The following VAV3 variants were observed in gnomAD, a reference collection of about 807,000 sequenced individuals.
VAV3 encodes the protein guanine nucleotide exchange factor VAV3.
VAV3 carries 94 observed loss-of-function variants against 131.2 expected under a neutral mutation model. That is an observed-to-expected ratio of 0.72 (90% CI 0.61 to 0.85). The LOEUF (loss-of-function observed/expected upper bound fraction) is 0.85. Ranked by LOEUF, VAV3 falls within the 40% of genes least tolerant of loss-of-function variation. The pLI is 0.00. For synonymous variants in VAV3, 349 were observed against 342.0 expected (o/e 1.02, Z -0.22); for missense variants, 939 against 1,002.7 (o/e 0.94, Z 0.86).
intron 15 of VAV3, among the ~76,000 whole-genome samples, chr1:107,716,651 G>A (rs1447642645): frequency 6.6e-6 from 1 of 152,154 alleles, no homozygotes; most frequent in African/African-American, 2.4e-5. Context: ...TTTTATTGAG[G>A]ATTTTCACAT....
intron 2 of VAV3, among the ~76,000 whole-genome samples, chr1:107,864,146 T>C (rs529829158): frequency 5.2e-4 from 79 of 152,294 alleles, no homozygotes; most frequent in Non-Finnish European, 8.5e-4. Flanking sequence ...AAAACATTAC[T>C]TTACAAAATG....
chr1:107,914,721 T>C (rs558273272), intron 1 of VAV3, among the ~76,000 whole-genome samples: 16 of 152,340 alleles, frequency 1.1e-4, no homozygotes, highest in Admixed American at 5.9e-4. Context: ...CAAGCCTCAA[T>C]CAGTAATGGG....
chr1:107,775,143 A>C (rs909456014), intron 4 of VAV3, among the ~76,000 whole-genome samples: 3 of 152,236 alleles, frequency 2.0e-5, no homozygotes, highest in Non-Finnish European at 4.4e-5. Flanking sequence ...CCAATTCAGG[A>C]AACCAAGGTT....
chr1:107,843,305 C>T (rs1668810647), intron 2 of VAV3, among the ~76,000 whole-genome samples: 1 of 149,758 alleles, frequency 6.7e-6, no homozygotes, highest in Non-Finnish European at 1.5e-5. Context: ...GATAAGAGTA[C>T]CTACTAATAA....
At chr1:107,604,752 A>G (rs1323129005) in intron 22 of VAV3, among the ~76,000 whole-genome samples, 1 of 152,192 alleles carries the variant, frequency 6.6e-6, no homozygotes, top group Non-Finnish European at 1.5e-5. Flanking sequence ...TATTGAGTGT[A>G]TGCATTTTTA....
intron 20 of VAV3, among the ~76,000 whole-genome samples, chr1:107,622,989 A>C (rs573269640): frequency 6.6e-6 from 1 of 152,330 alleles, no homozygotes; most frequent in African/African-American, 2.4e-5. Flanking sequence ...AAAGAAAAAA[A>C]CCAGCAAAGA....
At chr1:107,640,910 G>C (rs1655292736) in intron 20 of VAV3, among the ~76,000 whole-genome samples, 3 of 152,172 alleles carry the variant, frequency 2.0e-5, no homozygotes, top group Non-Finnish European at 2.9e-5. Flanking sequence ...CCAGTGGAGA[G>C]AATGAAGTTG....
intron 2 of VAV3, among the ~76,000 whole-genome samples, chr1:107,798,683 C>A (rs1317220320): frequency 7.4e-6 from 1 of 134,602 alleles, no homozygotes; most frequent in African/African-American, 2.9e-5. Context: ...CACGCCACTG[C>A]ACTCCAGCCT....
At chr1:107,590,564 C>G (rs763867908) in intron 25 of VAV3, among the ~76,000 whole-genome samples, 35 of 152,224 alleles carry the variant, frequency 2.3e-4, no homozygotes, top group Non-Finnish European at 7.3e-5. Flanking sequence ...TCAGTGCCAG[C>G]TGCATCCTGA....
chr1:107,755,373 G>T, intron 12 of VAV3, 54 bp downstream of exon 12: 2 of 1,286,106 alleles, frequency 1.6e-6, no homozygotes, highest in Non-Finnish European at 1.1e-6. Flanking sequence ...ACAACTCCTA[G>T]AATGTCGTTG....
At chr1:107,746,534 T>C (rs944625475) in intron 15 of VAV3, among the ~76,000 whole-genome samples, 4 of 152,206 alleles carry the variant, frequency 2.6e-5, no homozygotes, top group Non-Finnish European at 5.9e-5. Flanking sequence ...TACCCCTATA[T>C]GTATAAACCT....
chr1:107,808,901 T>C (rs542703977), intron 2 of VAV3, among the ~76,000 whole-genome samples: 2 of 152,302 alleles, frequency 1.3e-5, no homozygotes, highest in Non-Finnish European at 2.9e-5. Flanking sequence ...AATAAATTCC[T>C]AGAAGTGAAT....
chr1:107,627,819 A>C (rs1654142524), intron 20 of VAV3, among the ~76,000 whole-genome samples: 1 of 152,220 alleles, frequency 6.6e-6, no homozygotes, highest in Non-Finnish European at 1.5e-5. Flanking sequence ...TGACATCATA[A>C]AGTATAATTT....
At chr1:107,933,966 A>G (rs950075336) in intron 1 of VAV3, among the ~76,000 whole-genome samples, 3 of 152,190 alleles carry the variant, frequency 2.0e-5, no homozygotes, top group Non-Finnish European at 4.4e-5. Flanking sequence ...CTTGGCTCAC[A>G]ATAGTGATCA....
intron 15 of VAV3, among the ~76,000 whole-genome samples, chr1:107,708,238 T>G (rs1182064527): frequency 1.3e-5 from 2 of 152,178 alleles, no homozygotes; most frequent in Non-Finnish European, 2.9e-5. Flanking sequence ...GAGATTTCCT[T>G]TATAGTAAGA....
intron 2 of VAV3, among the ~76,000 whole-genome samples, chr1:107,801,189 T>C (rs1666812831): frequency 6.6e-6 from 1 of 152,144 alleles, no homozygotes; most frequent in Non-Finnish European, 1.5e-5. Context: ...TTTGTTTCCA[T>C]GCCATGCTGA....
chr1:107,698,923 C>A (rs1426306472), intron 17 of VAV3, among the ~76,000 whole-genome samples: 1 of 152,106 alleles, frequency 6.6e-6, no homozygotes, highest in African/African-American at 2.4e-5. Flanking sequence ...GGGGAAAATG[C>A]CCCCATGATC....
intron 11 of VAV3, among the ~76,000 whole-genome samples, 184 bp downstream of exon 11, chr1:107,757,077 G>A (rs1326187512): frequency 6.6e-6 from 1 of 150,792 alleles, no homozygotes; most frequent in Non-Finnish European, 1.5e-5. Context: ...AAAAACAAAT[G>A]TGTATTATAC....
chr1:107,865,913 C>T (rs1669962405), intron 2 of VAV3, among the ~76,000 whole-genome samples: 1 of 152,080 alleles, frequency 6.6e-6, no homozygotes, highest in African/African-American at 2.4e-5. Flanking sequence ...CCTGGGAGTA[C>T]ACAGTAAGAG....
Sources: allele counts gnomAD v4.1 joint callset (sites outside exome capture counted in the v4.1 genomes callset), GRCh38; gene constraint gnomAD v4.1.1; transcripts MANE v1.5; gene names NCBI Gene and HGNC (gene_info 2026-07-23, HGNC 2026-07-21).